The following DPP6 variants were observed in gnomAD, a reference collection of about 807,000 sequenced individuals.
DPP6 encodes the protein dipeptidyl peptidase like 6.
Under a neutral mutation model 122.6 loss-of-function variants are expected in DPP6, and 69 were observed. The ratio of observed to expected loss-of-function variants is 0.56; its 90% CI spans 0.46 to 0.69. The LOEUF is 0.69. Among genes scored for constraint, DPP6 ranks in the 30% least tolerant of loss-of-function variants. The pLI is 0.00. For synonymous variants in DPP6, 418 were observed against 433.1 expected (o/e 0.97, Z 0.43); for missense variants, 928 against 1,116.9 (o/e 0.83, Z 2.41).
At chr7:154,763,407 GGAAA>G (rs1795696198) in intron 8 of DPP6, among the ~76,000 whole-genome samples, 7 of 152,008 alleles carry the variant, frequency 4.6e-5, no homozygotes, top group Non-Finnish European at 1.0e-4. Flanking sequence ...AGAAAAGAAA[GGAAA>G]GAAAGAAAAG....
rs1799744999 is a variant in DPP6 at position 154,821,348 on chromosome 7, T to G, written c.1666+14236T>G. ...GCTTATTTTATTTTTATCTGTGCAT[T>G]CATATCATCCTTATCTGCCTTCAGT... On this transcript the variant is annotated intron_variant, in intron 16 of 25. Transcript: ENST00000377770. The surrounding 1 kb of genome is among the most constrained non-coding windows in gnomAD (Gnocchi z 4.2). Among the ~76,000 whole-genome samples, 1 of 152,122 alleles carries G rather than the reference T, an allele frequency of 6.6e-6. No homozygotes were observed. The highest frequency in any genetic ancestry group is 6.6e-5 in the Admixed American group (1 of 15,266).
chr7:154,640,982 G>C (rs927057463), intron 6 of DPP6, among the ~76,000 whole-genome samples: 7 of 151,984 alleles, frequency 4.6e-5, no homozygotes, highest in African/African-American at 1.7e-4. Context: ...TTCAGTCTTT[G>C]CAACCAGCCA....
At chr7:153,824,000 G>T in the DPP6 span, among the ~76,000 whole-genome samples, 25 of 152,256 alleles carry the variant, frequency 1.6e-4, no homozygotes, top group African/African-American at 6.0e-4. Context: ...AACAAAATGT[G>T]TTTCAGGAGA....
At chr7:153,954,935 G>T (rs2041201) in intron 1 of DPP6, among the ~76,000 whole-genome samples, 120,505 of 151,808 alleles carry the variant, frequency 0.79, 48,899 homozygotes, top group East Asian at 1. Context: ...AGGCTGAAAG[G>T]CAATCCTTAC....
At chr7:154,320,345 G>C (rs941450365) in intron 1 of DPP6, among the ~76,000 whole-genome samples, 2 of 151,958 alleles carry the variant, frequency 1.3e-5, no homozygotes, top group Non-Finnish European at 2.9e-5. Context: ...TTCCGTACTT[G>C]GTTTTCACAA....
Position 154,703,196 on chromosome 7 carries a change from T to C in DPP6, c.763-24571T>C, listed in dbSNP as rs1840622265. On this transcript the variant is annotated intron_variant, in intron 7 of 25. Coordinates refer to ENST00000377770, the MANE Select transcript of DPP6 (RefSeq NM_130797.4). ...TATTACTGTTCAATCCCAGTATGCC[T>C]GGTCACCCAAGGACTCTGAAGGAGA... Among the ~76,000 whole-genome samples, 3 of 152,352 alleles carry C rather than the reference T, an allele frequency of 2.0e-5. No individual in the cohort carries two copies. In the South Asian group the frequency reaches 6.2e-4, roughly 32 times the overall value.
At chr7:154,535,933 A>C (rs931043146) in intron 3 of DPP6, among the ~76,000 whole-genome samples, 3 of 152,164 alleles carry the variant, frequency 2.0e-5, no homozygotes, top group Non-Finnish European at 4.4e-5. Context: ...GAAATGCAAA[A>C]TGGTATAGCT....
At chr7:154,462,385 T>C (rs546127589) in intron 2 of DPP6, among the ~76,000 whole-genome samples, 49 of 152,228 alleles carry the variant, frequency 3.2e-4, no homozygotes, top group Non-Finnish European at 6.2e-4. Flanking sequence ...TAGTTATTTC[T>C]ATTTTTGTGA....
At chr7:153,757,278 G>A in the DPP6 span, among the ~76,000 whole-genome samples, 2 of 152,168 alleles carry the variant, frequency 1.3e-5, no homozygotes, top group Non-Finnish European at 2.9e-5. Context: ...GCAATATTAA[G>A]AGATCATAAG....
chr7:153,836,295 A>C, the DPP6 span, among the ~76,000 whole-genome samples: 1 of 152,168 alleles, frequency 6.6e-6, no homozygotes, highest in Non-Finnish European at 1.5e-5. Context: ...TTCAGAGAGA[A>C]AATAGATGCA....
chr7:154,290,012 G>A (rs1379528991), intron 1 of DPP6, among the ~76,000 whole-genome samples: 2 of 152,078 alleles, frequency 1.3e-5, no homozygotes, highest in Non-Finnish European at 2.9e-5. Flanking sequence ...AAATAAATGA[G>A]GTGTGATCAT....
In DPP6 at chr7:154,821,884, C is replaced by G. The variant is rs933463793; in HGVS notation, c.1666+14772C>G. ...CAAGTTACAGCCTCTTGTTAATCAC[C>G]GTCATCCTCCAGGAAATTCACAGTA... On this transcript the variant is annotated intron_variant, in intron 16 of 25. Coordinates refer to ENST00000377770, the MANE Select transcript of DPP6 (RefSeq NM_130797.4). The surrounding 1 kb of genome is among the most constrained non-coding windows in gnomAD (Gnocchi z 4.2). 2.4e-4 allele frequency among the ~76,000 whole-genome samples: 36 copies of G among 152,086 alleles called. No homozygotes were observed. Among genetic ancestry groups the G allele is most frequent in the African/African-American group, 8.7e-4 (36 of 41,474 alleles).
chr7:154,331,961 C>G (rs542824551), intron 1 of DPP6, among the ~76,000 whole-genome samples: 1 of 152,128 alleles, frequency 6.6e-6, no homozygotes, highest in South Asian at 2.1e-4. Context: ...TTAGGAGTTT[C>G]ATATTCTCAC....
intron 16 of DPP6, among the ~76,000 whole-genome samples, chr7:154,822,614 C>A (rs1799867132): frequency 6.6e-6 from 1 of 152,116 alleles, no homozygotes; most frequent in Non-Finnish European, 1.5e-5. Context: ...GACAAGAAGA[C>A]CCAGTGAAAG....
intron 10 of DPP6, 106 bp downstream of exon 10, chr7:154,773,048 A>G: frequency 7.5e-7 from 1 of 1,340,248 alleles, no homozygotes; most frequent in Non-Finnish European, 9.7e-7. Context: ...AAGTTTAAAC[A>G]TCCAAGAAAA....
At chr7:154,138,499 T>A (rs1342489736) in intron 1 of DPP6, among the ~76,000 whole-genome samples, 1 of 152,184 alleles carries the variant, frequency 6.6e-6, no homozygotes, top group Non-Finnish European at 1.5e-5. Flanking sequence ...AAAGCTCAGA[T>A]CCACAGGGAA....
At chr7:154,514,921 A>G (rs1021767165) in intron 3 of DPP6, among the ~76,000 whole-genome samples, 1 of 152,224 alleles carries the variant, frequency 6.6e-6, no homozygotes, top group African/African-American at 2.4e-5. Context: ...GAATTGCTGG[A>G]TCAAGTGGTA....
At chr7:154,860,197 C>A (rs1803258009) in intron 17 of DPP6, among the ~76,000 whole-genome samples, 1 of 152,158 alleles carries the variant, frequency 6.6e-6, no homozygotes, top group Non-Finnish European at 1.5e-5. Context: ...CCCTGCCCCA[C>A]CTTCTCCCTG....
chr7:153,785,987 A>C, the DPP6 span, among the ~76,000 whole-genome samples: 5 of 152,018 alleles, frequency 3.3e-5, no homozygotes, highest in Non-Finnish European at 7.4e-5. Flanking sequence ...AAGTGTTTAA[A>C]TATTTGTTAT....
Sources: allele counts gnomAD v4.1 joint callset (sites outside exome capture counted in the v4.1 genomes callset), GRCh38; gene constraint gnomAD v4.1.1; non-coding constraint Gnocchi (gnomAD v3.1); transcripts MANE v1.5; gene names NCBI Gene and HGNC (gene_info 2026-07-23, HGNC 2026-07-21).